The following POLR1A variants were observed in gnomAD, a reference collection of about 807,000 sequenced individuals.
POLR1A encodes RNA polymerase I subunit A.
Under a neutral mutation model 205.3 loss-of-function variants are expected in POLR1A, and 84 were observed. The observed-to-expected ratio is 0.41, with a 90% CI of 0.34 to 0.49. The LOEUF is 0.49. Ranked by LOEUF, POLR1A falls within the 20% of genes least tolerant of loss-of-function variation. The pLI is 0.22. For synonymous variants in POLR1A, 799 were observed against 863.7 expected (o/e 0.93, Z 1.31); for missense variants, 1,645 against 2,204.5 (o/e 0.75, Z 5.08).
At chr2:86,078,726 C>T (rs1055812752) in intron 9 of POLR1A, among the ~76,000 whole-genome samples, 5 of 152,164 alleles carry the variant, frequency 3.3e-5, no homozygotes, top group Admixed American at 1.3e-4. Context: ...CAATTACAAA[C>T]ATGCAGGTGG....
intron 17 of POLR1A, 29 bp from the exon 18 acceptor site, chr2:86,049,071 G>A (rs745511196): frequency 6.2e-7 from 1 of 1,614,046 alleles, no homozygotes; most frequent in Non-Finnish European, 8.5e-7. Context: ...CACAGCGGAG[G>A]CTGAGGCCAA....
At chr2:86,088,415 C>G in intron 6 of POLR1A, 151 bp downstream of exon 6, 1 of 574,234 alleles carries the variant, frequency 1.7e-6, no homozygotes, top group South Asian at 2.2e-5. Context: ...CCAGGGTCCC[C>G]TCAGGCCTGA....
In POLR1A at chr2:86,089,992, C is replaced by G. The variant is rs997366586; in HGVS notation, c.433-63G>C. 1.8e-5 allele frequency: 15 copies of G among 843,340 alleles called. No homozygotes were observed. The African/African-American group carries it at 2.3e-4, about 13-fold the overall frequency. 52.2% of individuals were successfully genotyped at this position (843,340 alleles called of 1,614,324 possible). On this transcript the variant is annotated intron_variant, in intron 3 of 33. Coordinates refer to ENST00000263857, the MANE Select transcript of POLR1A (RefSeq NM_015425.6). ...TGTACACCTCTGATGAGCAGCACAACTGGGACCAACCTCTCCAAGGGTGGA... is the reference window on the plus strand; with the variant it reads ...TGTACACCTCTGATGAGCAGCACAAGTGGGACCAACCTCTCCAAGGGTGGA...
Position 86,023,149 on chromosome 2 carries a change from C to G in POLR1A, c.*4274G>C, listed in dbSNP as rs1190592126. ...GGGGTGGAGGTTGATGGTGTAGGAACTTTGGAATTTTTGACTGTAGCTATT... is the reference window on the plus strand; with the variant it reads ...GGGGTGGAGGTTGATGGTGTAGGAAGTTTGGAATTTTTGACTGTAGCTATT... On this transcript the variant is annotated 3_prime_UTR_variant, in exon 34 of 34. Coordinates refer to ENST00000263857, the MANE Select transcript of POLR1A (RefSeq NM_015425.6). 1 of 152,216 alleles carries G rather than the reference C, an allele frequency of 6.6e-6. No homozygotes were observed. The highest frequency in any genetic ancestry group is 1.5e-5 in the Non-Finnish European group (1 of 68,052). 9.4% of individuals were successfully genotyped at this position (152,216 alleles called of 1,614,324 possible).
Position 86,033,656 on chromosome 2 carries a change from C to T in POLR1A, c.4161+5G>A. On this transcript the variant is annotated splice_donor_5th_base_variant and intron_variant, in intron 28 of 33. Coordinates refer to ENST00000263857, the MANE Select transcript of POLR1A (RefSeq NM_015425.6). ...AACTCTAGTGACCCCCGGGGACTCA[C>T]TCACCCGACTCCTCCCCAACTCCCC... The T allele has an allele frequency of 1.2e-6, 2 of 1,612,778 alleles. No individual in the cohort carries two copies. Among genetic ancestry groups the T allele is most frequent in the African/African-American group, 2.7e-5 (2 of 75,030 alleles).
At chr2:86,055,392 A>G (rs1672879116) in intron 14 of POLR1A, among the ~76,000 whole-genome samples, 1 of 152,226 alleles carries the variant, frequency 6.6e-6, no homozygotes, top group African/African-American at 2.4e-5. Flanking sequence ...GGACAACAGC[A>G]TTATTAAAGA....
At chr2:86,045,509 C>T in intron 20 of POLR1A, 108 bp downstream of exon 20, 7 of 1,334,412 alleles carry the variant, frequency 5.2e-6, no homozygotes, top group Non-Finnish European at 7.5e-6. Flanking sequence ...TCGACAGCTA[C>T]AATAGCCCCC....
At chr2:86,069,031 G>A (rs188084344) in intron 13 of POLR1A, among the ~76,000 whole-genome samples, 4 of 152,348 alleles carry the variant, frequency 2.6e-5, no homozygotes, top group Non-Finnish European at 5.9e-5. Context: ...TCAGCTGAGT[G>A]TCCTTGGACA....
chr2:86,053,215 C>T (rs549966452), intron 15 of POLR1A, among the ~76,000 whole-genome samples: 7 of 152,214 alleles, frequency 4.6e-5, no homozygotes, highest in African/African-American at 1.7e-4. Context: ...CAAGCATATA[C>T]AGACCAGCAG....
intron 31 of POLR1A, among the ~76,000 whole-genome samples, chr2:86,029,982 A>G (rs1420963470): frequency 6.6e-6 from 1 of 152,202 alleles, no homozygotes; most frequent in Non-Finnish European, 1.5e-5. Context: ...AGGGTGCTTT[A>G]CTGGGGACCT....
Position 86,088,799 on chromosome 2 carries a change from G to C in POLR1A, c.612C>G (p.Arg204=), listed in dbSNP as rs1673551917. Residue 204 remains arginine (R), a synonymous_variant, in exon 5 of 34, where the codon CGC becomes CGG. Transcript: ENST00000263857. ...CTGATACTTACTTGCAGTGGGGACAGCGCTTAGCATTCATATGTGCCTTCC... is the reference window on the plus strand; with the variant it reads ...CTGATACTTACTTGCAGTGGGGACACCGCTTAGCATTCATATGTGCCTTCC... The part of the protein sequence containing the change: ...LFWKAHMNAK[R]CPHCKTGRSV... The C allele has an allele frequency of 6.2e-7, 1 of 1,613,792 alleles. No individual in the cohort carries two copies.
At chr2:86,088,991 C>T (rs1433476843) in intron 4 of POLR1A, 121 bp from the exon 5 acceptor site, 2 of 658,800 alleles carry the variant, frequency 3.0e-6, no homozygotes, top group African/African-American at 3.6e-5. Context: ...CCACCACTTT[C>T]TTAAACAAAA....
chr2:86,063,440 A>G (rs1673035286), intron 14 of POLR1A, among the ~76,000 whole-genome samples: 3 of 151,996 alleles, frequency 2.0e-5, no homozygotes, highest in Admixed American at 6.6e-5. Flanking sequence ...TTAAGGAATA[A>G]ATAATATGAA....
chr2:86,029,392 A>G (rs1160314710), intron 31 of POLR1A, among the ~76,000 whole-genome samples: 1 of 151,992 alleles, frequency 6.6e-6, no homozygotes, highest in Non-Finnish European at 1.5e-5. Flanking sequence ...TGTGGGGGAA[A>G]CCCAGAAAGT....
chr2:86,075,777 G>A (rs989347576), intron 11 of POLR1A, among the ~76,000 whole-genome samples: 3 of 152,126 alleles, frequency 2.0e-5, no homozygotes, highest in Non-Finnish European at 4.4e-5. Flanking sequence ...CAAAGTGCTG[G>A]GATTACAGGC....
chr2:86,078,431 T>C (rs1171911089), intron 9 of POLR1A, 147 bp from the exon 10 acceptor site: 3 of 596,302 alleles, frequency 5.0e-6, no homozygotes, highest in Non-Finnish European at 8.7e-6. Flanking sequence ...GAGACAAACA[T>C]GCTAATAAAT....
At chr2:86,063,850 C>T (rs1673042806) in intron 14 of POLR1A, among the ~76,000 whole-genome samples, 1 of 152,160 alleles carries the variant, frequency 6.6e-6, no homozygotes, top group African/African-American at 2.4e-5. Flanking sequence ...ATAAATTTCC[C>T]CCTTAAGTTC....
Position 86,089,835 on chromosome 2 carries a change from G to T in POLR1A, c.527C>A (p.Ser176Tyr). The T allele has an allele frequency of 6.2e-7, 1 of 1,603,128 alleles. No homozygotes were observed. Among genetic ancestry groups the T allele is most frequent in the African/African-American group, 1.3e-5 (1 of 74,888 alleles). Residue 176 changes from serine (S) to tyrosine (Y), a missense_variant, in exon 4 of 34, where the codon TCC becomes TAC. Transcript: ENST00000263857. The part of the protein sequence containing the change: ...TEIVQNNLLG[S>Y]QGAHVKNVCE... ...GTGTTAACTCACATGTGCGCCCTGGGACCCCAGGAGGTTGTTCTGCACAAT... is the reference window on the plus strand; with the variant it reads ...GTGTTAACTCACATGTGCGCCCTGGTACCCCAGGAGGTTGTTCTGCACAAT...
intron 3 of POLR1A, among the ~76,000 whole-genome samples, chr2:86,092,407 G>T (rs564529249): frequency 6.6e-6 from 1 of 152,246 alleles, no homozygotes; most frequent in Non-Finnish European, 1.5e-5. Context: ...TTGAGCAGTC[G>T]TCTGTCATGT....
Sources: gnomAD v4.1 joint callset for allele counts (sites outside exome capture counted in the v4.1 genomes callset) on GRCh38, gnomAD v4.1.1 for gene constraint, MANE v1.5 for transcripts, NCBI Gene and HGNC (gene_info 2026-07-23, HGNC 2026-07-21) for gene names.